AGAP1: variants seen among roughly 807,000 people sequenced by gnomAD.
AGAP1 encodes arf-GAP with GTPase, ANK repeat and PH domain-containing protein 1.
AGAP1 carries 29 observed loss-of-function variants against 105.3 expected under a neutral mutation model. The ratio of observed to expected loss-of-function variants is 0.28; its 90% CI spans 0.21 to 0.38. The LOEUF is 0.38. AGAP1 is among the 10% of genes least tolerant of loss of function. The probability of loss-of-function intolerance (pLI) is 1.00; values close to 1 mark genes in which losing one functional copy is unlikely to be tolerated. For synonymous variants in AGAP1, 509 were observed against 485.9 expected (o/e 1.05, Z -0.63); for missense variants, 998 against 1,165.1 (o/e 0.86, Z 2.09).
At chr2:235,890,689 G>T (rs1248356333) in intron 10 of AGAP1, among the ~76,000 whole-genome samples, 1 of 152,076 alleles carries the variant, frequency 6.6e-6, no homozygotes, top group African/African-American at 2.4e-5. Flanking sequence ...CGTTCTAGTG[G>T]GTGTGTTTGA....
At chr2:236,024,654 A>G (rs2056995516) in intron 13 of AGAP1, among the ~76,000 whole-genome samples, 1 of 152,236 alleles carries the variant, frequency 6.6e-6, no homozygotes, top group African/African-American at 2.4e-5. Flanking sequence ...TTAAGAAAAA[A>G]AAAGTTTGAC....
chr2:235,669,702 G>A (rs1948268290), intron 1 of AGAP1: 1 of 148,468 alleles, frequency 6.7e-6, no homozygotes, highest in African/African-American at 2.4e-5. Flanking sequence ...CCAGGGAGTG[G>A]CGGAGGCTGC....
At chr2:235,839,832 T>G (rs1026555847) in intron 9 of AGAP1, among the ~76,000 whole-genome samples, 1 of 152,178 alleles carries the variant, frequency 6.6e-6, no homozygotes, top group African/African-American at 2.4e-5. Context: ...ATTTGCAGAT[T>G]ATCATTTGAA....
In AGAP1 at chr2:235,628,590, T is replaced by A. The variant is rs150054765; in HGVS notation, c.164-80589T>A. 1.1e-3 allele frequency among the ~76,000 whole-genome samples: 164 copies of A among 151,642 alleles called. 2 individuals carry two copies. The East Asian group carries it at 0.025, about 23-fold the overall frequency. Reference sequence around the variant, plus strand: ...AGACAAGATTTGGTGGGTCCTTGAATGCTCTGGAAAGAAGGGGGAGCCATT... The same window carrying A: ...AGACAAGATTTGGTGGGTCCTTGAAAGCTCTGGAAAGAAGGGGGAGCCATT... On this transcript the variant is annotated intron_variant, in intron 1 of 17. Coordinates refer to ENST00000304032, the MANE Select transcript of AGAP1 (RefSeq NM_001037131.3).
In AGAP1 at chr2:236,113,202, G is replaced by A. The variant is rs2059692992; in HGVS notation, c.2115-6990G>A. On this transcript the variant is annotated intron_variant, in intron 16 of 17. Coordinates refer to ENST00000304032, the MANE Select transcript of AGAP1 (RefSeq NM_001037131.3). The surrounding 1 kb of genome is among the most constrained non-coding windows in gnomAD (Gnocchi z 4.3). The stretch of plus-strand genomic sequence containing the variant: ...TTTGCCCAGGCTGGAGTGCAGTGGT[G>A]CAATCTCAACTCACTGCAACCTCCG... Among the ~76,000 whole-genome samples, 1 of 152,210 alleles carries A rather than the reference G, an allele frequency of 6.6e-6. No homozygotes were observed. Among genetic ancestry groups the A allele is most frequent in the Non-Finnish European group, 1.5e-5 (1 of 68,032 alleles).
intron 6 of AGAP1, among the ~76,000 whole-genome samples, chr2:235,764,473 C>G (rs181462106): frequency 6.6e-6 from 1 of 152,234 alleles, no homozygotes; most frequent in African/African-American, 2.4e-5. Flanking sequence ...ACATCCCCCC[C>G]ACTTTGGTGA....
At chr2:236,085,865 G>T (rs1473221849) in intron 16 of AGAP1, among the ~76,000 whole-genome samples, 1 of 152,260 alleles carries the variant, frequency 6.6e-6, no homozygotes, top group Non-Finnish European at 1.5e-5. Context: ...GACTCCTGGA[G>T]GGGACAATGG....
intron 1 of AGAP1, among the ~76,000 whole-genome samples, chr2:235,583,796 C>T (rs994396081): frequency 6.6e-5 from 10 of 151,118 alleles, no homozygotes; most frequent in African/African-American, 2.4e-4. Context: ...ATTGCCTGAA[C>T]TCAGGAGGCA....
intron 9 of AGAP1, among the ~76,000 whole-genome samples, chr2:235,848,610 T>C (rs2106436124): frequency 6.6e-6 from 1 of 152,310 alleles, no homozygotes; most frequent in East Asian, 1.9e-4. Flanking sequence ...TAATTTAGTT[T>C]GCTCGGAAGG....
At chr2:235,652,662 C>T (rs899184586) in intron 1 of AGAP1, among the ~76,000 whole-genome samples, 7 of 152,174 alleles carry the variant, frequency 4.6e-5, no homozygotes, top group South Asian at 2.1e-4. Flanking sequence ...GAGGCCCAGG[C>T]GGGTGGATCA....
intron 11 of AGAP1, among the ~76,000 whole-genome samples, chr2:235,916,348 A>G (rs140193224): frequency 0.012 from 1,903 of 152,340 alleles, 29 homozygotes; most frequent in African/African-American, 0.043. Flanking sequence ...CATTTTGGAG[A>G]ATCTTCCCAA....
At chr2:235,785,917 G>T (rs1489955294) in intron 6 of AGAP1, among the ~76,000 whole-genome samples, 2 of 151,916 alleles carry the variant, frequency 1.3e-5, no homozygotes. Flanking sequence ...TAAAAAAAAC[G>T]TGGATGGAAG....
chr2:235,994,832 C>T lies in AGAP1; in HGVS notation c.1645+26209C>T, dbSNP rs1437538984. Among the ~76,000 whole-genome samples the T allele has an allele frequency of 6.6e-6, 1 of 150,532 alleles. No individual in the cohort carries two copies. The highest frequency in any genetic ancestry group is 1.5e-5 in the Non-Finnish European group (1 of 67,682). ...CTGTAATCCTAGCACTTTGGGAGGC[C>T]GAGGCGGGCGGATCACGAGGTCAGG... is the stretch of plus-strand genomic sequence containing the variant. On this transcript the variant is annotated intron_variant, in intron 13 of 17. Coordinates refer to ENST00000304032, the MANE Select transcript of AGAP1 (RefSeq NM_001037131.3). The surrounding 1 kb of genome is among the most constrained non-coding windows in gnomAD (Gnocchi z 4.4).
chr2:235,819,333 T>A (rs558887233), intron 9 of AGAP1, among the ~76,000 whole-genome samples: 27 of 152,058 alleles, frequency 1.8e-4, no homozygotes, highest in Non-Finnish European at 2.6e-4. Flanking sequence ...CAGGCTGGTC[T>A]CAAACTCCTG....
At position 235,979,828 on chromosome 2, in the gene AGAP1, C is replaced by G. The variant is rs2055016077; in HGVS notation, c.1645+11205C>G. On this transcript the variant is annotated intron_variant, in intron 13 of 17. Coordinates refer to ENST00000304032, the MANE Select transcript of AGAP1 (RefSeq NM_001037131.3). This position sits in a 1 kb window ranked among gnomAD's most constrained non-coding sequence, Gnocchi z 4.5. ...TTTAATTTTTTTAAGTGGAAAAAAG[C>G]AAAGGAAAAATGTTTTAGTTTTCTC... 6.6e-6 allele frequency among the ~76,000 whole-genome samples: 1 copy of G among 152,144 alleles called. No individual in the cohort carries two copies. Among genetic ancestry groups the G allele is most frequent in the Non-Finnish European group, 1.5e-5 (1 of 68,014 alleles).
At chr2:235,591,234 T>G (rs12328651) in intron 1 of AGAP1, among the ~76,000 whole-genome samples, 11,444 of 152,192 alleles carry the variant, frequency 0.075, 1,221 homozygotes, top group East Asian at 0.34. Context: ...CAGGCTGGTC[T>G]TGAACTCCTG....
At chr2:235,587,996 G>A (rs1574910307) in intron 1 of AGAP1, among the ~76,000 whole-genome samples, 2 of 152,098 alleles carry the variant, frequency 1.3e-5, no homozygotes, top group South Asian at 2.1e-4. Context: ...TTGGGAGGCC[G>A]ACATGCGTGG....
chr2:235,535,489 G>A lies in AGAP1; in HGVS notation c.163+40640G>A, dbSNP rs1943181782. Among the ~76,000 whole-genome samples, 1 of 41,716 alleles carries A rather than the reference G, an allele frequency of 2.4e-5. No individual in the cohort carries two copies. The highest frequency in any genetic ancestry group is 3.6e-5 in the Non-Finnish European group (1 of 27,416). 27.4% of individuals were successfully genotyped at this position (41,716 alleles called of 152,430 possible). A position where few individuals can be genotyped will look rare whatever the true frequency, so the allele number is the denominator to read the frequency against. Reference sequence around the variant, plus strand: ...GAATTGATCTTAGGGTAGTATTTTGGATTTAAAAAAAAAAAAAACATGAAA... The same window carrying A: ...GAATTGATCTTAGGGTAGTATTTTGAATTTAAAAAAAAAAAAAACATGAAA... On this transcript the variant is annotated intron_variant, in intron 1 of 17. Transcript: ENST00000304032. This position sits in a 1 kb window ranked among gnomAD's most constrained non-coding sequence, Gnocchi z 5.1.
intron 1 of AGAP1, among the ~76,000 whole-genome samples, chr2:235,675,172 T>C (rs1197901234): frequency 1.4e-5 from 2 of 141,156 alleles, no homozygotes; most frequent in Non-Finnish European, 3.0e-5. Context: ...TTTTGTTGGT[T>C]GGTTGGTTGG....
Sources: gnomAD v4.1 joint callset for allele counts (sites outside exome capture counted in the v4.1 genomes callset) on GRCh38, gnomAD v4.1.1 for gene constraint, Gnocchi (gnomAD v3.1) non-coding constraint, MANE v1.5 for transcripts, NCBI Gene and HGNC (gene_info 2026-07-23, HGNC 2026-07-21) for gene names.